The following WDR27 variants were observed in gnomAD, a reference collection of about 807,000 sequenced individuals.
WDR27 encodes WD repeat domain 27.
Under a neutral mutation model 114.4 loss-of-function variants are expected in WDR27, and 100 were observed. That is an observed-to-expected ratio of 0.87 (90% CI 0.74 to 1.03). The LOEUF is 1.03. Ranked by LOEUF, WDR27 falls within the 50% of genes least tolerant of loss-of-function variation. The pLI, the probability that WDR27 is intolerant of heterozygous loss-of-function variation, is 0.00. For missense variants in WDR27, 1,129 were observed against 1,092.9 expected (o/e 1.03, Z -0.47); for synonymous variants, 449 against 423.1 (o/e 1.06, Z -0.75).
intron 24 of WDR27, among the ~76,000 whole-genome samples, chr6:169,573,538 G>C (rs558188851): frequency 1.3e-4 from 20 of 152,170 alleles, no homozygotes; most frequent in Non-Finnish European, 2.8e-4. Flanking sequence ...GAGTGTGTGA[G>C]GATTTGGGAG....
In WDR27 at chr6:169,659,962, T is replaced by C. The variant is rs73240743; in HGVS notation, c.1130-444A>G. Among the ~76,000 whole-genome samples, 28 of 151,396 alleles carry C rather than the reference T, an allele frequency of 1.8e-4. No individual in the cohort carries two copies. The highest frequency in any genetic ancestry group is 6.3e-4 in the African/African-American group (26 of 41,194). ...GGGCGGCTGAAGGGAAGGGCGTGTG[T>C]GAAGACACAGATGCATCCCACAGCC... On this transcript the variant is annotated intron_variant, in intron 10 of 25. Coordinates refer to ENST00000448612, the MANE Select transcript of WDR27 (RefSeq NM_182552.5). The surrounding 1 kb of genome is among the most constrained non-coding windows in gnomAD (Gnocchi z 4.3).
chr6:169,584,071 C>T (rs950134638), intron 23 of WDR27, among the ~76,000 whole-genome samples: 4 of 152,238 alleles, frequency 2.6e-5, no homozygotes, highest in Admixed American at 1.3e-4. Flanking sequence ...CCCTCCCCGC[C>T]TATGTCTACC....
chr6:169,524,939 C>T (rs1794781280), intron 25 of WDR27, among the ~76,000 whole-genome samples: 1 of 152,048 alleles, frequency 6.6e-6, no homozygotes, highest in African/African-American at 2.4e-5. Flanking sequence ...AATGGAAAGA[C>T]ATCAAGGTAG....
At chr6:169,462,392 G>A (rs752092895) in intron 25 of WDR27, among the ~76,000 whole-genome samples, 16 of 152,010 alleles carry the variant, frequency 1.1e-4, no homozygotes, top group Admixed American at 3.9e-4. Context: ...AGCTGAGATT[G>A]TGCCACTGCA....
chr6:169,518,933 GA>G (rs962904524), intron 25 of WDR27, among the ~76,000 whole-genome samples: 1 of 152,184 alleles, frequency 6.6e-6, no homozygotes, highest in Non-Finnish European at 1.5e-5. Context: ...TTGTTGCTTA[GA>G]AATTTCCTTT....
chr6:169,452,002 A>T, the WDR27 span, among the ~76,000 whole-genome samples: 1 of 152,216 alleles, frequency 6.6e-6, no homozygotes, highest in African/African-American at 2.4e-5. Context: ...GAAGAGCAAA[A>T]TATTTTTCTC....
chr6:169,586,119 T>C (rs190086746), intron 23 of WDR27, among the ~76,000 whole-genome samples: 1 of 152,340 alleles, frequency 6.6e-6, no homozygotes, highest in Admixed American at 6.5e-5. Flanking sequence ...CTGTCTGGCA[T>C]TGGTTTGAAG....
chr6:169,581,428 T>C (rs1325640528), intron 24 of WDR27, among the ~76,000 whole-genome samples: 2 of 152,166 alleles, frequency 1.3e-5, no homozygotes, highest in African/African-American at 4.8e-5. Flanking sequence ...TATAAAAGAT[T>C]ACAACAACTC....
At chr6:169,516,886 A>G (rs1417809963) in intron 25 of WDR27, among the ~76,000 whole-genome samples, 2 of 151,872 alleles carry the variant, frequency 1.3e-5, no homozygotes, top group Non-Finnish European at 2.9e-5. Context: ...GCATTTAGGA[A>G]AACATCTGTC....
intron 21 of WDR27, among the ~76,000 whole-genome samples, chr6:169,620,826 C>T (rs954174296): frequency 6.6e-6 from 1 of 152,108 alleles, no homozygotes; most frequent in Non-Finnish European, 1.5e-5. Flanking sequence ...CCGGCTTCAC[C>T]ACACAGTCCA....
chr6:169,523,690 T>A (rs984408074), intron 25 of WDR27, among the ~76,000 whole-genome samples: 2 of 152,034 alleles, frequency 1.3e-5, no homozygotes, highest in Admixed American at 1.3e-4. Flanking sequence ...ATAAAAACTA[T>A]GTCATCATTT....
intron 25 of WDR27, among the ~76,000 whole-genome samples, chr6:169,532,783 G>A (rs1413024949): frequency 6.6e-6 from 1 of 151,290 alleles, no homozygotes; most frequent in Admixed American, 6.6e-5. Context: ...CTGGCTTCTG[G>A]CAGTCCCTTA....
At chr6:169,669,809 A>T (rs1778213774) in intron 4 of WDR27, 1 of 152,196 alleles carries the variant, frequency 6.6e-6, no homozygotes, top group South Asian at 2.1e-4. Flanking sequence ...GTCCAAAAAT[A>T]GTCTGAAGAC....
intron 24 of WDR27, 43 bp downstream of exon 24, chr6:169,582,793 T>A (rs769377788): frequency 7.5e-6 from 11 of 1,476,028 alleles, no homozygotes; most frequent in Non-Finnish European, 9.4e-6. Flanking sequence ...AATGTAAGAC[T>A]TGTATGCAGC....
chr6:169,575,575 G>C (rs1802203185), intron 24 of WDR27, among the ~76,000 whole-genome samples: 1 of 152,116 alleles, frequency 6.6e-6, no homozygotes, highest in African/African-American at 2.4e-5. Context: ...CTGGTGGGAG[G>C]GGCTGCCCTG....
At chr6:169,607,661 T>A (rs557732681) in intron 22 of WDR27, among the ~76,000 whole-genome samples, 1 of 151,954 alleles carries the variant, frequency 6.6e-6, no homozygotes, top group East Asian at 1.9e-4. Flanking sequence ...GGAAGAAAAA[T>A]TATTTAATGG....
At chr6:169,477,374 C>T (rs998252203) in intron 25 of WDR27, among the ~76,000 whole-genome samples, 2 of 152,144 alleles carry the variant, frequency 1.3e-5, no homozygotes, top group African/African-American at 2.4e-5. Flanking sequence ...CTTATATATC[C>T]CTCTGGCGGG....
chr6:169,666,235 T>C (rs1356793908), intron 6 of WDR27, among the ~76,000 whole-genome samples: 2 of 152,168 alleles, frequency 1.3e-5, no homozygotes, highest in Non-Finnish European at 2.9e-5. Flanking sequence ...CCAACGTACT[T>C]CCAAGAAATG....
chr6:169,510,526 C>T (rs1345575347), intron 25 of WDR27, among the ~76,000 whole-genome samples: 2 of 150,646 alleles, frequency 1.3e-5, no homozygotes, highest in African/African-American at 4.9e-5. Context: ...CAAACTATCG[C>T]AAGGACAAAA....
Sources: gnomAD v4.1 joint callset for allele counts (sites outside exome capture counted in the v4.1 genomes callset) on GRCh38, gnomAD v4.1.1 for gene constraint, Gnocchi (gnomAD v3.1) non-coding constraint, MANE v1.5 for transcripts, NCBI Gene and HGNC (gene_info 2026-07-23, HGNC 2026-07-21) for gene names.